NXPH1: variants seen among roughly 807,000 people sequenced by gnomAD.
NXPH1 encodes neurexophilin 1.
NXPH1 carries 5 observed loss-of-function variants against 23.7 expected under a neutral mutation model. That is an observed-to-expected ratio of 0.21 (90% CI 0.11 to 0.44). NXPH1 has a LOEUF of 0.44. NXPH1 is among the 20% of genes least tolerant of loss of function. The probability of loss-of-function intolerance (pLI) is 0.99; values close to 1 mark genes in which losing one functional copy is unlikely to be tolerated. For synonymous variants in NXPH1, 144 were observed against 122.2 expected, an observed-to-expected ratio of 1.18 and a Z score of -1.18; for missense variants, 324 against 321.6, an observed-to-expected ratio of 1.01 and a Z score of -0.06.
At chr7:8,685,829 A>T (rs563994614) in intron 2 of NXPH1, among the ~76,000 whole-genome samples, 1 of 152,032 alleles carries the variant, frequency 6.6e-6, no homozygotes, top group African/African-American at 2.4e-5. Flanking sequence ...GTTAAAAAAA[A>T]AATAGAAAGA....
At chr7:8,737,381 T>G (rs1052681440) in intron 2 of NXPH1, among the ~76,000 whole-genome samples, 3 of 152,202 alleles carry the variant, frequency 2.0e-5, no homozygotes, top group African/African-American at 7.2e-5. Context: ...TATTTCTTCT[T>G]CACTTATGAA....
chr7:8,454,435 T>A (rs1816556989), intron 2 of NXPH1, among the ~76,000 whole-genome samples: 1 of 152,172 alleles, frequency 6.6e-6, no homozygotes, highest in African/African-American at 2.4e-5. Flanking sequence ...TATCCTCTGC[T>A]TTGTGCATCA....
At chr7:8,691,537 G>A in intron 2 of NXPH1, among the ~76,000 whole-genome samples, 1 of 152,072 alleles carries the variant, frequency 6.6e-6, no homozygotes, top group Non-Finnish European at 1.5e-5. Flanking sequence ...TTTTTAAAAA[G>A]CATATGAATT....
rs1554263784 is a variant in NXPH1, at chr7:8,659,005, A to ATATT, written c.55-92002_55-92001insATTT. ...TAAGAATATGTATATATATATATAT[A>ATATT]TTTTTTTTTTTTTTTGCTAAAACAG... On this transcript the variant is annotated intron_variant, in intron 2 of 2. Coordinates refer to ENST00000405863, the MANE Select transcript of NXPH1 (RefSeq NM_152745.3). 9.6e-5 allele frequency among the ~76,000 whole-genome samples: 7 copies of ATATT among 73,244 alleles called. 1 individual carries two copies. Among genetic ancestry groups the ATATT allele is most frequent in the African/African-American group, 2.4e-4 (6 of 25,412 alleles). The allele number at this position is 73,244 out of a possible 152,430, so 48.1% of individuals were successfully genotyped here. A position where few individuals can be genotyped will look rare whatever the true frequency, so the allele number is the denominator to read the frequency against.
intron 2 of NXPH1, among the ~76,000 whole-genome samples, chr7:8,675,640 G>A (rs1418012785): frequency 6.6e-6 from 1 of 152,122 alleles, no homozygotes; most frequent in Non-Finnish European, 1.5e-5. Flanking sequence ...GGTGAGTACA[G>A]GATGCTAGGG....
In NXPH1 at chr7:8,674,200, CACA is replaced by C. The variant is rs373600277; in HGVS notation, c.55-76807_55-76805del. 6.2e-3 allele frequency among the ~76,000 whole-genome samples: 905 copies of C among 144,848 alleles called. 2 individuals carry two copies. The highest frequency in any genetic ancestry group is 0.014 in the South Asian group (59 of 4,326). On this transcript the variant is annotated intron_variant, in intron 2 of 2. Transcript: ENST00000405863. Reference sequence around the variant, plus strand: ...ACACACACACACACACACACACACACACACCTATGCAATTCAATCCTTGCTGCA... The same window carrying C: ...ACACACACACACACACACACACACACCCTATGCAATTCAATCCTTGCTGCA...
At position 8,434,065 on chromosome 7, in the gene NXPH1, G is replaced by C. The variant is rs548284025; in HGVS notation, c.-801G>C. On this transcript the variant is annotated 5_prime_UTR_variant, in exon 1 of 3. Transcript: ENST00000405863. This position sits in a 1 kb window ranked among gnomAD's most constrained non-coding sequence, Gnocchi z 7.6. Reference sequence around the variant, plus strand: ...AAGCGCTCCAGAGCGTCCCCGGGTGGCCGGGCAGCACCAGGGACAGCGCCC... The same window carrying C: ...AAGCGCTCCAGAGCGTCCCCGGGTGCCCGGGCAGCACCAGGGACAGCGCCC... 6.6e-6 allele frequency: 1 copy of C among 152,308 alleles called. No individual in the cohort carries two copies. Among genetic ancestry groups the C allele is most frequent in the Non-Finnish European group, 1.5e-5 (1 of 68,040 alleles). 9.4% of individuals were successfully genotyped at this position (152,308 alleles called of 1,614,324 possible). A position where few individuals can be genotyped will look rare whatever the true frequency, so the allele number is the denominator to read the frequency against.
intron 2 of NXPH1, among the ~76,000 whole-genome samples, chr7:8,528,356 C>A (rs567273249): frequency 4.9e-4 from 75 of 152,338 alleles, no homozygotes; most frequent in African/African-American, 1.8e-3. Context: ...GGGCTACAGC[C>A]TGGACATTGC....
At chr7:8,527,640 G>A (rs1182252263) in intron 2 of NXPH1, among the ~76,000 whole-genome samples, 2 of 152,158 alleles carry the variant, frequency 1.3e-5, no homozygotes. Context: ...AGACTTTTCC[G>A]TGGACCTGCT....
At chr7:8,645,389 C>A (rs1016112254) in intron 2 of NXPH1, among the ~76,000 whole-genome samples, 2 of 151,998 alleles carry the variant, frequency 1.3e-5, no homozygotes, top group African/African-American at 4.8e-5. Context: ...TTGGGCTTTT[C>A]ATTTACAGTT....
At chr7:8,473,142 G>A (rs967521214) in intron 2 of NXPH1, among the ~76,000 whole-genome samples, 4 of 152,086 alleles carry the variant, frequency 2.6e-5, no homozygotes, top group African/African-American at 4.8e-5. Flanking sequence ...TACCATTTTC[G>A]TATCTGAAGT....
At chr7:8,594,669 TC>T (rs1003377869) in intron 2 of NXPH1, among the ~76,000 whole-genome samples, 4 of 152,010 alleles carry the variant, frequency 2.6e-5, no homozygotes, top group Non-Finnish European at 4.4e-5. Context: ...TTGTCTGGCC[TC>T]GGTGGAACCT....
chr7:8,569,803 TC>T (rs1245472700), intron 2 of NXPH1, among the ~76,000 whole-genome samples: 1 of 151,870 alleles, frequency 6.6e-6, no homozygotes, highest in Admixed American at 6.6e-5. Context: ...CCCACACTAC[TC>T]AACACTGAAG....
chr7:8,585,706 T>C (rs1402837682), intron 2 of NXPH1, among the ~76,000 whole-genome samples: 1 of 152,244 alleles, frequency 6.6e-6, no homozygotes, highest in African/African-American at 2.4e-5. Flanking sequence ...ATAAAAAAGA[T>C]GAATGTGCAT....
chr7:8,519,622 T>C (rs10486234), intron 2 of NXPH1, among the ~76,000 whole-genome samples: 10,031 of 152,226 alleles, frequency 0.066, 455 homozygotes, highest in Middle Eastern at 0.14. Flanking sequence ...TCTTCATAAA[T>C]TGCAAAACAG....
chr7:8,727,279 T>A (rs1226497101), intron 2 of NXPH1, among the ~76,000 whole-genome samples: 1 of 121,678 alleles, frequency 8.2e-6, no homozygotes, highest in African/African-American at 3.8e-5. Context: ...TTCTCCCATT[T>A]TGTAGGTTGC....
At chr7:8,488,770 C>A (rs1817203303) in intron 2 of NXPH1, among the ~76,000 whole-genome samples, 1 of 152,116 alleles carries the variant, frequency 6.6e-6, no homozygotes, top group Admixed American at 6.6e-5. Flanking sequence ...GGACTCATGT[C>A]AAAGCTTCTG....
chr7:8,527,068 A>G (rs946318847), intron 2 of NXPH1, among the ~76,000 whole-genome samples: 2 of 152,034 alleles, frequency 1.3e-5, no homozygotes. Context: ...AATGGGTAGA[A>G]TTTTCCTATT....
chr7:8,529,167 C>T lies in NXPH1; in HGVS notation c.54+93400C>T, dbSNP rs76474889. On this transcript the variant is annotated intron_variant, in intron 2 of 2. Transcript: ENST00000405863. The stretch of plus-strand genomic sequence containing the variant: ...GTTCCTCTCTGTCACATCTCTCTGA[C>T]TTCTTCTGTCCTTTGATTTTAAAGA... Among the ~76,000 whole-genome samples, 596 of 152,360 alleles carry T rather than the reference C, an allele frequency of 3.9e-3. 5 individuals carry two copies. The highest frequency in any genetic ancestry group is 0.014 in the African/African-American group (575 of 41,598).
Sources: allele counts gnomAD v4.1 joint callset (sites outside exome capture counted in the v4.1 genomes callset), GRCh38; gene constraint gnomAD v4.1.1; non-coding constraint Gnocchi (gnomAD v3.1); transcripts MANE v1.5; gene names NCBI Gene and HGNC (gene_info 2026-07-23, HGNC 2026-07-21).